MBD5: variants seen among roughly 807,000 people sequenced by gnomAD.
MBD5 encodes the protein methyl-CpG-binding domain protein 5.
Under a neutral mutation model 117.3 loss-of-function variants are expected in MBD5, and 13 were observed. That is an observed-to-expected ratio of 0.11 (90% CI 0.07 to 0.18). The LOEUF (loss-of-function observed/expected upper bound fraction) is 0.18. Ranked by LOEUF, MBD5 falls within the 10% of genes least tolerant of loss-of-function variation. MBD5 has a pLI of 1.00. For missense variants in MBD5, 1,879 were observed against 2,093.8 expected (o/e 0.90, Z 2.00); for synonymous variants, 727 against 766.4 (o/e 0.95, Z 0.85).
At chr2:148,407,134 A>G (rs1254957585) in intron 4 of MBD5, among the ~76,000 whole-genome samples, 1 of 152,194 alleles carries the variant, frequency 6.6e-6, no homozygotes, top group Non-Finnish European at 1.5e-5. Context: ...CTCATCATCC[A>G]AATACTACTG....
chr2:148,331,801 A>G (rs1702663723), intron 3 of MBD5, among the ~76,000 whole-genome samples: 1 of 137,944 alleles, frequency 7.2e-6, no homozygotes, highest in East Asian at 1.9e-4. Flanking sequence ...TCAGACATTG[A>G]AAAAAAATAC....
intron 4 of MBD5, among the ~76,000 whole-genome samples, chr2:148,406,483 C>T (rs140460600): frequency 3.9e-5 from 6 of 152,246 alleles, no homozygotes; most frequent in Non-Finnish European, 7.4e-5. Flanking sequence ...TTGCTTCTTC[C>T]AGTCAATTCT....
At chr2:148,409,816 T>A (rs1705198323) in intron 4 of MBD5, among the ~76,000 whole-genome samples, 2 of 152,198 alleles carry the variant, frequency 1.3e-5, no homozygotes. Context: ...ACACTCAACA[T>A]GTTCTTTGAC....
intron 1 of MBD5, among the ~76,000 whole-genome samples, chr2:148,084,855 A>G (rs1446330423): frequency 6.6e-6 from 1 of 152,118 alleles, no homozygotes; most frequent in Non-Finnish European, 1.5e-5. Flanking sequence ...CTAACTCTGT[A>G]CCTCTGGCTA....
intron 13 of MBD5, among the ~76,000 whole-genome samples, chr2:148,511,953 A>T (rs1236564472): frequency 6.6e-6 from 1 of 152,214 alleles, no homozygotes; most frequent in Non-Finnish European, 1.5e-5. Context: ...GATTGTACTC[A>T]TCTCTTCCTA....
intron 1 of MBD5, among the ~76,000 whole-genome samples, chr2:148,148,079 T>A (rs1240666257): frequency 6.6e-6 from 1 of 152,198 alleles, no homozygotes; most frequent in Non-Finnish European, 1.5e-5. Context: ...CTCCAACACC[T>A]GCATTGTTAA....
chr2:148,241,722 C>T (rs964005738), intron 3 of MBD5, among the ~76,000 whole-genome samples: 14 of 152,090 alleles, frequency 9.2e-5, no homozygotes, highest in Non-Finnish European at 1.8e-4. Context: ...TACCATTGTA[C>T]CTCAGGAGAG....
intron 1 of MBD5, among the ~76,000 whole-genome samples, chr2:148,051,380 A>C (rs1694696758): frequency 6.6e-6 from 1 of 150,800 alleles, no homozygotes; most frequent in Non-Finnish European, 1.5e-5. Flanking sequence ...TTTTACTTCT[A>C]ATCTGGATGT....
At chr2:148,388,542 A>T (rs1396233153) in intron 4 of MBD5, among the ~76,000 whole-genome samples, 1 of 152,202 alleles carries the variant, frequency 6.6e-6, no homozygotes, top group Non-Finnish European at 1.5e-5. Context: ...ATATAATTAT[A>T]TTCATTTTCT....
chr2:148,400,724 T>G (rs1257759999), intron 4 of MBD5, among the ~76,000 whole-genome samples: 2 of 152,188 alleles, frequency 1.3e-5, no homozygotes, highest in Non-Finnish European at 1.5e-5. Flanking sequence ...TTAACTATAT[T>G]TTTGAGTAGA....
chr2:148,310,901 T>C (rs748653365), intron 3 of MBD5, among the ~76,000 whole-genome samples: 1 of 152,150 alleles, frequency 6.6e-6, no homozygotes, highest in Non-Finnish European at 1.5e-5. Flanking sequence ...ATTTCATTAT[T>C]TACCCAGTAG....
intron 4 of MBD5, among the ~76,000 whole-genome samples, chr2:148,383,532 G>A (rs565085803): frequency 6.5e-4 from 99 of 152,190 alleles, no homozygotes; most frequent in Admixed American, 1.2e-3. Context: ...GAGATACAAG[G>A]AGGAGCTGGT....
intron 4 of MBD5, among the ~76,000 whole-genome samples, chr2:148,441,338 G>A (rs552102225): frequency 4.9e-4 from 74 of 151,990 alleles, no homozygotes; most frequent in Non-Finnish European, 2.2e-4. Context: ...TCCCACCTAT[G>A]AGTGAGAACA....
chr2:148,430,794 AC>A (rs1705961226), intron 4 of MBD5, among the ~76,000 whole-genome samples: 1 of 152,158 alleles, frequency 6.6e-6, no homozygotes, highest in South Asian at 2.1e-4. Context: ...CATCATTTCA[AC>A]ATGAAATTCA....
chr2:148,024,181 G>C (rs931093679), intron 1 of MBD5, among the ~76,000 whole-genome samples: 4 of 152,042 alleles, frequency 2.6e-5, no homozygotes, highest in African/African-American at 9.7e-5. Flanking sequence ...TAAGGTAAAT[G>C]GCTTTAAAGC....
At chr2:148,172,967 G>C (rs996251127) in intron 1 of MBD5, among the ~76,000 whole-genome samples, 3 of 152,098 alleles carry the variant, frequency 2.0e-5, no homozygotes, top group African/African-American at 7.2e-5. Context: ...ACCCACTTCA[G>C]ATCTCCTGAG....
intron 2 of MBD5, among the ~76,000 whole-genome samples, chr2:148,198,119 A>T (rs558550944): frequency 1.3e-5 from 2 of 152,200 alleles, no homozygotes; most frequent in Non-Finnish European, 2.9e-5. Flanking sequence ...TATGAATGCC[A>T]TAATCAATAC....
chr2:148,323,165 G>T (rs934055853), intron 3 of MBD5, among the ~76,000 whole-genome samples: 14 of 151,960 alleles, frequency 9.2e-5, no homozygotes, highest in African/African-American at 3.4e-4. Context: ...TCCCTACAAA[G>T]GACATGAACT....
At chr2:148,208,369 T>A (rs1699335702) in intron 2 of MBD5, among the ~76,000 whole-genome samples, 1 of 152,162 alleles carries the variant, frequency 6.6e-6, no homozygotes, top group South Asian at 2.1e-4. Flanking sequence ...TTCTGGTGTC[T>A]CAGCCTCCCA....
Sources: allele counts gnomAD v4.1 joint callset (sites outside exome capture counted in the v4.1 genomes callset), GRCh38; gene constraint gnomAD v4.1.1; transcripts MANE v1.5; gene names NCBI Gene and HGNC (gene_info 2026-07-23, HGNC 2026-07-21).